CD247: variants seen among roughly 807,000 people sequenced by gnomAD.
CD247 encodes the protein CD247 molecule, also known as T-cell surface glycoprotein CD3 zeta chain.
A neutral mutation model predicts 30.0 loss-of-function variants in CD247; 13 were observed. The ratio of observed to expected loss-of-function variants is 0.43; its 90% confidence interval spans 0.28 to 0.69. The LOEUF is 0.69. Among genes scored for constraint, CD247 ranks in the 30% least tolerant of loss-of-function variants. The pLI is 0.16. For synonymous variants in CD247, 72 were observed against 80.0 expected, an observed-to-expected ratio of 0.90 and a Z score of 0.53; for missense variants, 193 against 212.6, an observed-to-expected ratio of 0.91 and a Z score of 0.57.
At chr1:167,448,733 C>T (rs941546971) in intron 1 of CD247, among the ~76,000 whole-genome samples, 23 of 152,200 alleles carry the variant, frequency 1.5e-4, no homozygotes, top group Non-Finnish European at 2.9e-4. Context: ...TGGTGGCGGG[C>T]GCCTGTAATA....
At chr1:167,457,178 A>G (rs1460711769) in intron 1 of CD247, among the ~76,000 whole-genome samples, 1 of 152,212 alleles carries the variant, frequency 6.6e-6, no homozygotes, top group Non-Finnish European at 1.5e-5. Context: ...GCATCCGCAC[A>G]TTCTCAGCGG....
intron 1 of CD247, among the ~76,000 whole-genome samples, chr1:167,446,378 A>C (rs1017990530): frequency 3.9e-5 from 6 of 152,190 alleles, no homozygotes; most frequent in African/African-American, 1.4e-4. Flanking sequence ...TGAGTCAGAA[A>C]GACTCTAAGA....
At chr1:167,465,999 A>G (rs1249505284) in intron 1 of CD247, among the ~76,000 whole-genome samples, 1 of 152,264 alleles carries the variant, frequency 6.6e-6, no homozygotes, top group African/African-American at 2.4e-5. Context: ...CTGGACTTTG[A>G]CACCAGCTCC....
Position 167,439,699 on chromosome 1 carries a change from T to A in CD247, c.163-299A>T, listed in dbSNP as rs1571514223. ...CTCGCGCGTGCGCAGAGGTATAAGG[T>A]TCTTGGTCTGCGCCCCCGGGGACAT... On this transcript the variant is annotated intron_variant, in intron 2 of 7. Coordinates refer to ENST00000362089, the MANE Select transcript of CD247 (RefSeq NM_198053.3). The A allele has an allele frequency of 2.4e-5, 11 of 456,098 alleles. No individual in the cohort carries two copies. The South Asian group carries it at 2.7e-4, about 11-fold the overall frequency. The allele number at this position is 456,098 out of a possible 1,614,324, so 28.3% of individuals were successfully genotyped here.
At chr1:167,486,225 G>A (rs1462949366) in intron 1 of CD247, among the ~76,000 whole-genome samples, 3 of 152,222 alleles carry the variant, frequency 2.0e-5, no homozygotes, top group Admixed American at 6.5e-5. Context: ...CAGCCCCCTC[G>A]GTTGTCAAAT....
At chr1:167,486,072 G>A (rs1654195166) in intron 1 of CD247, among the ~76,000 whole-genome samples, 1 of 152,182 alleles carries the variant, frequency 6.6e-6, no homozygotes, top group African/African-American at 2.4e-5. Flanking sequence ...ATGCTCCGAG[G>A]GGCAGGTGGC....
chr1:167,471,122 C>T (rs796779567), intron 1 of CD247, among the ~76,000 whole-genome samples: 14 of 152,200 alleles, frequency 9.2e-5, no homozygotes, highest in Non-Finnish European at 1.8e-4. Context: ...CTGCCTGCCT[C>T]GGCTTCCCAA....
At chr1:167,500,881 A>T (rs1398626483) in intron 1 of CD247, among the ~76,000 whole-genome samples, 1 of 152,088 alleles carries the variant, frequency 6.6e-6, no homozygotes, top group East Asian at 1.9e-4. Context: ...ACTGAGGCCA[A>T]CTTCCCATCC....
chr1:167,454,705 C>T (rs1464894925), intron 1 of CD247, among the ~76,000 whole-genome samples: 1 of 152,230 alleles, frequency 6.6e-6, no homozygotes, highest in Non-Finnish European at 1.5e-5. Context: ...GATGCTTTCA[C>T]CAGCAGCCGA....
At chr1:167,507,198 T>C (rs1212810239) in intron 1 of CD247, among the ~76,000 whole-genome samples, 1 of 151,810 alleles carries the variant, frequency 6.6e-6, no homozygotes, top group Non-Finnish European at 1.5e-5. Flanking sequence ...AGATTACAGG[T>C]GTAAGCCACC....
intron 1 of CD247, among the ~76,000 whole-genome samples, chr1:167,455,703 C>T (rs972786518): frequency 3.3e-5 from 5 of 152,220 alleles, no homozygotes; most frequent in African/African-American, 1.2e-4. Flanking sequence ...CCCCGAACCG[C>T]ACCCGCCCCC....
At chr1:167,472,967 C>T (rs1253203875) in intron 1 of CD247, among the ~76,000 whole-genome samples, 1 of 152,126 alleles carries the variant, frequency 6.6e-6, no homozygotes, top group African/African-American at 2.4e-5. Flanking sequence ...TTGGCCTTCC[C>T]GGCAGCCCCT....
chr1:167,498,324 C>T (rs1040757493), intron 1 of CD247, among the ~76,000 whole-genome samples: 2 of 152,228 alleles, frequency 1.3e-5, no homozygotes, highest in Non-Finnish European at 2.9e-5. Flanking sequence ...TTTTGGAATG[C>T]TCAGGTCCCT....
rs1558017339 is a variant in CD247 at position 167,478,724 on chromosome 1, G to T, written c.59-37957C>A. ...TTGTGAGGAATAAGTAAATTAATAT[G>T]GGTAAAATGCTTTAAATAGCTTGGT... On this transcript the variant is annotated intron_variant, in intron 1 of 7. Transcript: ENST00000362089. Among the ~76,000 whole-genome samples the T allele has an allele frequency of 2.6e-5, 4 of 152,238 alleles. No homozygotes were observed. The East Asian group carries it at 5.8e-4, about 22-fold the overall frequency.
chr1:167,443,154 G>A (rs145738328), intron 1 of CD247, among the ~76,000 whole-genome samples: 7 of 152,202 alleles, frequency 4.6e-5, no homozygotes, highest in Non-Finnish European at 7.4e-5. Flanking sequence ...CCCCCAAAGC[G>A]CTCTACAAAC....
chr1:167,484,699 C>T (rs1654127826), intron 1 of CD247, among the ~76,000 whole-genome samples: 1 of 152,220 alleles, frequency 6.6e-6, no homozygotes, highest in Non-Finnish European at 1.5e-5. Flanking sequence ...ATCACTTGAA[C>T]CCGGGAGGCA....
In CD247 at chr1:167,494,687, A is replaced by G. The variant is rs1654606848; in HGVS notation, c.58+23721T>C. 6.6e-6 allele frequency among the ~76,000 whole-genome samples: 1 copy of G among 152,234 alleles called. No homozygotes were observed. On this transcript the variant is annotated intron_variant, in intron 1 of 7. Transcript: ENST00000362089. The surrounding 1 kb of genome is among the most constrained non-coding windows in gnomAD (Gnocchi z 7.3). ...TCTGGATTGTTAAAAGGATCAAAAA[A>G]GATCATGAGTAGTGCATTCCTCGGC...
At chr1:167,510,925 G>T (rs576379446) in intron 1 of CD247, among the ~76,000 whole-genome samples, 1 of 152,194 alleles carries the variant, frequency 6.6e-6, no homozygotes, top group African/African-American at 2.4e-5. Flanking sequence ...AGCCAGCTTT[G>T]GGGGTGGCCC....
intron 1 of CD247, among the ~76,000 whole-genome samples, chr1:167,509,927 C>A (rs967508682): frequency 4.6e-5 from 7 of 152,116 alleles, no homozygotes; most frequent in Admixed American, 6.6e-5. Flanking sequence ...AGACCTCTGA[C>A]GGGAGTCAGG....
Sources: allele counts gnomAD v4.1 joint callset (sites outside exome capture counted in the v4.1 genomes callset), GRCh38; gene constraint gnomAD v4.1.1; non-coding constraint Gnocchi (gnomAD v3.1); transcripts MANE v1.5; gene names NCBI Gene and HGNC (gene_info 2026-07-23, HGNC 2026-07-21).